The following UFSP2 variants were observed in gnomAD, a reference collection of about 807,000 sequenced individuals.
UFSP2 encodes the protein UFM1 specific peptidase 2.
Under a neutral mutation model 60.2 loss-of-function variants are expected in UFSP2, and 43 were observed. That is an observed-to-expected ratio of 0.71 (90% confidence interval 0.56 to 0.92). UFSP2 has a LOEUF of 0.92. Among genes scored for constraint, UFSP2 ranks in the 40% least tolerant of loss-of-function variants. The pLI, the probability that UFSP2 is intolerant of heterozygous loss-of-function variation, is 0.00. For synonymous variants in UFSP2, 183 were observed against 195.1 expected (o/e 0.94, Z 0.52); for missense variants, 520 against 575.0 (o/e 0.90, Z 0.98).
At chr4:185,417,841 T>G (rs1167306097) in intron 4 of UFSP2, among the ~76,000 whole-genome samples, 1 of 152,034 alleles carries the variant, frequency 6.6e-6, no homozygotes, top group East Asian at 1.9e-4. Flanking sequence ...GTCAGGAGTT[T>G]GAGACCAGCG....
intron 9 of UFSP2, among the ~76,000 whole-genome samples, chr4:185,407,628 T>C (rs555062616): frequency 6.6e-6 from 1 of 152,120 alleles, no homozygotes; most frequent in Non-Finnish European, 1.5e-5. Context: ...AAGAAACTGT[T>C]AATATAATTT....
At chr4:185,417,246 G>A (rs1476586190) in intron 4 of UFSP2, among the ~76,000 whole-genome samples, 1 of 152,118 alleles carries the variant, frequency 6.6e-6, no homozygotes, top group Non-Finnish European at 1.5e-5. Context: ...CAAAAGGAGG[G>A]ACAGTCTTAA....
At position 185,399,715 on chromosome 4, in the gene UFSP2, C is replaced by T. The variant is rs913977365; in HGVS notation, c.*677G>A. On this transcript the variant is annotated 3_prime_UTR_variant, in exon 12 of 12. Transcript: ENST00000264689. The stretch of plus-strand genomic sequence containing the variant: ...TGACAGGAATGATTGTGTTGCCGTG[C>T]TCAGACAGAAACGGAGTCTCGGAAG... 1.9e-6 allele frequency: 3 copies of T among 1,614,134 alleles called. No individual in the cohort carries two copies. The highest frequency in any genetic ancestry group is 1.1e-5 in the South Asian group (1 of 91,080).
At chr4:185,409,001 G>A (rs1220050970) in intron 7 of UFSP2, among the ~76,000 whole-genome samples, 1 of 151,876 alleles carries the variant, frequency 6.6e-6, no homozygotes, top group Admixed American at 6.6e-5. Flanking sequence ...AAAAATATCT[G>A]CCTACTTACA....
At chr4:185,403,920 G>A (rs1416128888) in intron 10 of UFSP2, among the ~76,000 whole-genome samples, 4 of 131,660 alleles carry the variant, frequency 3.0e-5, no homozygotes, top group African/African-American at 8.2e-5. Context: ...GCACTGAGCC[G>A]AGATCATGCC....
At chr4:185,408,561 C>G in intron 7 of UFSP2, 126 bp from the exon 8 acceptor site, 1 of 980,418 alleles carries the variant, frequency 1.0e-6, no homozygotes. Context: ...TATAAAAATG[C>G]CTTCACAGAT....
chr4:185,423,563 TA>T (rs11361344), intron 1 of UFSP2, among the ~76,000 whole-genome samples: 91,444 of 151,930 alleles, frequency 0.6, 30,629 homozygotes, highest in East Asian at 0.82. Flanking sequence ...ATAGATTGGT[TA>T]AAAAAAATAG....
intron 1 of UFSP2, 49 bp downstream of exon 1, chr4:185,425,817 C>T: frequency 6.3e-7 from 1 of 1,589,924 alleles, no homozygotes; most frequent in Non-Finnish European, 8.6e-7. Context: ...TGGCGGCTGC[C>T]AAAGTCCGGG....
At chr4:185,403,421 A>G in intron 11 of UFSP2, 73 bp downstream of exon 11, 1 of 1,563,954 alleles carries the variant, frequency 6.4e-7, no homozygotes. Flanking sequence ...TCTTTCTGTT[A>G]CCAGCCAGTT....
At chr4:185,411,983 T>C (rs2095530185) in intron 7 of UFSP2, among the ~76,000 whole-genome samples, 1 of 152,160 alleles carries the variant, frequency 6.6e-6, no homozygotes, top group Non-Finnish European at 1.5e-5. Context: ...AGGAAGGAAA[T>C]GATGAACACA....
Position 185,408,286 on chromosome 4 carries a change from G to C in UFSP2, c.981C>G (p.His327Gln). 6.2e-7 allele frequency: 1 copy of C among 1,614,056 alleles called. No individual in the cohort carries two copies. Residue 327 changes from histidine (H) to glutamine (Q), a missense_variant, in exon 8 of 12, where the codon CAC becomes CAG. By Grantham distance (24) the His-to-Gln change is conservative (BLOSUM62 0). Transcript: ENST00000264689. ...QGYTERSIPT[H>Q]REIQQALVDA... The stretch of plus-strand genomic sequence containing the variant: ...TGTTCTGTACCTGCTGAATTTCTCT[G>C]TGTGTTGGAATGGACCTCTCTGTGT...
chr4:185,414,483 G>A (rs945952513), intron 6 of UFSP2, among the ~76,000 whole-genome samples: 1 of 152,126 alleles, frequency 6.6e-6, no homozygotes, highest in Non-Finnish European at 1.5e-5. Flanking sequence ...GGTTTTAAAA[G>A]ATCAGCTCCT....
intron 4 of UFSP2, 47 bp from the exon 5 acceptor site, chr4:185,415,914 A>G (rs372129078): frequency 5.5e-6 from 8 of 1,454,832 alleles, no homozygotes; most frequent in Non-Finnish European, 3.7e-6. Flanking sequence ...ATTAAACACT[A>G]AATATAAAGA....
At chr4:185,401,735 A>C (rs2095513478) in intron 11 of UFSP2, among the ~76,000 whole-genome samples, 2 of 152,236 alleles carry the variant, frequency 1.3e-5, no homozygotes, top group Non-Finnish European at 2.9e-5. Flanking sequence ...TCTGCTGTTG[A>C]AAAGTTCTAT....
intron 11 of UFSP2, chr4:185,400,761 T>C (rs942879275): frequency 3.5e-6 from 1 of 287,698 alleles, no homozygotes; most frequent in Non-Finnish European, 6.4e-6. Flanking sequence ...GATTCTGAGA[T>C]GTATAGTTTT....
rs2095511172 is a variant in UFSP2, at chr4:185,399,912, AC to A, written c.*479del. The A allele has an allele frequency of 8.4e-6, 13 of 1,545,164 alleles. No homozygotes were observed. Among genetic ancestry groups the A allele is most frequent in the Non-Finnish European group, 1.0e-5 (12 of 1,148,856 alleles). On this transcript the variant is annotated 3_prime_UTR_variant, in exon 12 of 12. Coordinates refer to ENST00000264689, the MANE Select transcript of UFSP2 (RefSeq NM_018359.5). ...TCATTAACATTTTAGTACTGGTTATACTTACCAGAGTCTAGAGACCAAAAAT... is the reference window on the plus strand; with the variant it reads ...TCATTAACATTTTAGTACTGGTTATATTACCAGAGTCTAGAGACCAAAAAT...
Position 185,415,777 on chromosome 4 carries a change from G to A in UFSP2, c.424C>T (p.His142Tyr), listed in dbSNP as rs774451922. The A allele has an allele frequency of 6.2e-6, 10 of 1,613,624 alleles. No homozygotes were observed. The highest frequency in any genetic ancestry group is 1.6e-4 in the Middle Eastern group (1 of 6,062). Residue 142 changes from histidine (H) to tyrosine (Y), a missense_variant, in exon 5 of 12, where the codon CAT (histidine) becomes TAT (tyrosine). His to Tyr is a moderately conservative substitution (Grantham distance 83). Transcript: ENST00000264689. ...ACAGGTAAAGTCATATTAACATAAT[G>A]GTGTCCTCCGCTTTCCCTTTCAATG... is the stretch of plus-strand genomic sequence containing the variant. Reference protein sequence around the residue: ...PIIERESGGHHYVNMTLPVDA... With the variant: ...PIIERESGGHYYVNMTLPVDA...
chr4:185,415,630 T>TG, intron 5 of UFSP2, 80 bp downstream of exon 5: 1 of 1,248,056 alleles, frequency 8.0e-7, no homozygotes, highest in Non-Finnish European at 1.1e-6. Context: ...ACACCTTAGG[T>TG]ATACCTACAG....
chr4:185,425,079 G>A (rs2095556911), intron 1 of UFSP2, among the ~76,000 whole-genome samples: 1 of 152,234 alleles, frequency 6.6e-6, no homozygotes, highest in African/African-American at 2.4e-5. Context: ...AGGATGGTAA[G>A]AGTGGCGACA....
Sources: allele counts gnomAD v4.1 joint callset (sites outside exome capture counted in the v4.1 genomes callset), GRCh38; gene constraint gnomAD v4.1.1; transcripts MANE v1.5; gene names NCBI Gene and HGNC (gene_info 2026-07-23, HGNC 2026-07-21).